POLD3: variants seen among roughly 807,000 people sequenced by gnomAD.
POLD3 encodes DNA polymerase delta 3, accessory subunit.
In POLD3, 19 loss-of-function variants were observed where a neutral mutation model predicts 58.2. That is an observed-to-expected ratio of 0.33 (90% CI 0.23 to 0.48). POLD3 has a LOEUF of 0.48. POLD3 is among the 20% of genes least tolerant of loss of function. The pLI is 0.99. For synonymous variants in POLD3, 172 were observed against 193.5 expected (o/e 0.89, Z 0.92); for missense variants, 504 against 545.5 (o/e 0.92, Z 0.76).
intron 4 of POLD3, among the ~76,000 whole-genome samples, chr11:74,667,274 G>A (rs979342700): frequency 1.2e-4 from 19 of 152,200 alleles, no homozygotes; most frequent in East Asian, 1.9e-4. Flanking sequence ...GGTGGCTCAC[G>A]CCTGTAATCC....
intron 4 of POLD3, among the ~76,000 whole-genome samples, chr11:74,668,541 T>C (rs1396242698): frequency 1.3e-5 from 2 of 152,190 alleles, no homozygotes; most frequent in Admixed American, 1.3e-4. Flanking sequence ...AATCAGTATT[T>C]GCTGGATGAA....
chr11:74,644,522 G>A (rs1415676869), downstream of POLD3, among the ~76,000 whole-genome samples: 1 of 152,212 alleles, frequency 6.6e-6, no homozygotes, highest in Non-Finnish European at 1.5e-5. Context: ...ACTCCCTGCT[G>A]CATGACACTT....
In POLD3 at chr11:74,634,489, T is replaced by G. The variant is rs2032687291; in HGVS notation, c.1007-94T>G. ...TGAATTACTGCTTGCTAAATCCCCT[T>G]TGCTGGACATGTCAATTTAGAGAAC... On this transcript the variant is annotated intron_variant, in intron 9 of 11. Transcript: ENST00000263681. The G allele has an allele frequency of 8.3e-6, 6 of 724,128 alleles. No individual in the cohort carries two copies. The Admixed American group carries it at 9.7e-5, about 12-fold the overall frequency. The allele number at this position is 724,128 out of a possible 1,614,324, so 44.9% of individuals were successfully genotyped here.
At chr11:74,659,186 G>T (rs7111273) in intron 4 of POLD3, among the ~76,000 whole-genome samples, 124,523 of 152,136 alleles carry the variant, frequency 0.82, 51,141 homozygotes, top group Middle Eastern at 0.94. Flanking sequence ...GGCTTGGGGC[G>T]TCCACCCTCT....
chr11:74,654,708 C>T (rs1434381617), intron 4 of POLD3, among the ~76,000 whole-genome samples: 1 of 152,104 alleles, frequency 6.6e-6, no homozygotes, highest in East Asian at 1.9e-4. Flanking sequence ...AATTGTGCTA[C>T]AAGGAAAGAC....
At chr11:74,601,612 G>A (rs941978501) in intron 2 of POLD3, among the ~76,000 whole-genome samples, 4 of 152,062 alleles carry the variant, frequency 2.6e-5, no homozygotes, top group African/African-American at 9.7e-5. Flanking sequence ...TATAACAAAA[G>A]CCTGTTTCTA....
Position 74,642,595 on chromosome 11 carries a change from G to A in POLD3, c.*1829G>A. Reference sequence around the variant, plus strand: ...ATAATACAAATCCTATGATCTCTATGCCCAATATGCTGCCTCAACTCTGAG... The same window carrying A: ...ATAATACAAATCCTATGATCTCTATACCCAATATGCTGCCTCAACTCTGAG... On this transcript the variant is annotated 3_prime_UTR_variant, in exon 12 of 12. Transcript: ENST00000263681. 1.0e-6 allele frequency: 1 copy of A among 985,188 alleles called. No homozygotes were observed. Among genetic ancestry groups the A allele is most frequent in the Non-Finnish European group, 1.2e-6 (1 of 829,780 alleles). 61.0% of individuals were successfully genotyped at this position (985,188 alleles called of 1,614,324 possible).
At chr11:74,650,754 CTT>C (rs1161630301) in intron 4 of POLD3, among the ~76,000 whole-genome samples, 1 of 152,232 alleles carries the variant, frequency 6.6e-6, no homozygotes, top group Non-Finnish European at 1.5e-5. Context: ...CACTCTCTCT[CTT>C]TGGGTGCCAG....
intron 4 of POLD3, among the ~76,000 whole-genome samples, chr11:74,661,344 GC>G (rs140194503): frequency 5.5e-4 from 84 of 152,256 alleles, no homozygotes; most frequent in African/African-American, 1.9e-3. Flanking sequence ...CTTTGGGAAG[GC>G]TTTTCAGGTA....
intron 11 of POLD3, among the ~76,000 whole-genome samples, chr11:74,640,310 ATGGG>A: frequency 1.3e-5 from 2 of 152,350 alleles, no homozygotes; most frequent in Admixed American, 1.3e-4. Flanking sequence ...ATTTAAAGGC[ATGGG>A]ATATAGCTGT....
chr11:74,623,496 G>A (rs1046394683), intron 7 of POLD3, among the ~76,000 whole-genome samples: 1 of 152,122 alleles, frequency 6.6e-6, no homozygotes, highest in Admixed American at 6.5e-5. Context: ...CTGGGGTTGA[G>A]GAGGAATGCT....
At chr11:74,601,978 T>C (rs1278302628) in intron 2 of POLD3, among the ~76,000 whole-genome samples, 1 of 152,074 alleles carries the variant, frequency 6.6e-6, no homozygotes, top group Non-Finnish European at 1.5e-5. Flanking sequence ...ATGAAGATAG[T>C]GTAGGTATGA....
intron 7 of POLD3, among the ~76,000 whole-genome samples, chr11:74,620,714 A>C (rs1057184239): frequency 6.6e-6 from 1 of 152,206 alleles, no homozygotes; most frequent in Non-Finnish European, 1.5e-5. Context: ...CATACTTCTC[A>C]TATCAAGTGT....
chr11:74,608,631 A>G (rs1400146657), intron 3 of POLD3, among the ~76,000 whole-genome samples: 1 of 152,050 alleles, frequency 6.6e-6, no homozygotes, highest in Non-Finnish European at 1.5e-5. Context: ...TGGCATTTCC[A>G]TTCTGTTGTT....
intron 6 of POLD3, among the ~76,000 whole-genome samples, chr11:74,619,661 T>A (rs373361798): frequency 2.6e-5 from 4 of 152,222 alleles, no homozygotes; most frequent in African/African-American, 4.8e-5. Context: ...TTCTGATGAT[T>A]AAAAATGTAA....
intron 5 of POLD3, among the ~76,000 whole-genome samples, chr11:74,616,917 G>A (rs1203909443): frequency 6.6e-6 from 1 of 152,108 alleles, no homozygotes; most frequent in Non-Finnish European, 1.5e-5. Context: ...ACTAAAGAAG[G>A]GAGAGAAGCC....
At chr11:74,668,335 G>C (rs2033297579) in intron 4 of POLD3, among the ~76,000 whole-genome samples, 1 of 152,148 alleles carries the variant, frequency 6.6e-6, no homozygotes, top group Admixed American at 6.5e-5. Flanking sequence ...ATGTCTATAA[G>C]GTGATGAATG....
chr11:74,634,947 G>T (rs2032705137), intron 10 of POLD3, among the ~76,000 whole-genome samples: 1 of 152,170 alleles, frequency 6.6e-6, no homozygotes, highest in Non-Finnish European at 1.5e-5. Flanking sequence ...CTGTTTTCAT[G>T]ACCTTCAGCA....
chr11:74,649,133 T>C (rs2033037221), intron 4 of POLD3, among the ~76,000 whole-genome samples: 1 of 152,186 alleles, frequency 6.6e-6, no homozygotes, highest in Non-Finnish European at 1.5e-5. Flanking sequence ...ATACACACAC[T>C]GATTCAGACC....
Sources: gnomAD v4.1 joint callset for allele counts (sites outside exome capture counted in the v4.1 genomes callset) on GRCh38, gnomAD v4.1.1 for gene constraint, MANE v1.5 for transcripts, NCBI Gene and HGNC (gene_info 2026-07-23, HGNC 2026-07-21) for gene names.